ASIC4: variants seen among roughly 807,000 people sequenced by gnomAD.
ASIC4 encodes acid sensing ion channel subunit family member 4, also known as acid-sensing ion channel 4.
In ASIC4, 28 loss-of-function variants were observed where a neutral mutation model predicts 53.4. The observed-to-expected ratio is 0.52, with a 90% CI of 0.39 to 0.72. The LOEUF (loss-of-function observed/expected upper bound fraction) is 0.72, where lower values mean the gene tolerates loss of function less well. Ranked by LOEUF, ASIC4 falls within the 30% of genes least tolerant of loss-of-function variation. The pLI is 0.00. For synonymous variants in ASIC4, 289 were observed against 301.4 expected, an observed-to-expected ratio of 0.96 and a Z score of 0.43; for missense variants, 649 against 729.7, an observed-to-expected ratio of 0.89 and a Z score of 1.27.
At chr2:219,528,917 G>C (rs1354990653) in intron 1 of ASIC4, among the ~76,000 whole-genome samples, 2 of 152,194 alleles carry the variant, frequency 1.3e-5, no homozygotes, top group African/African-American at 4.8e-5. Flanking sequence ...CACAGGTCTA[G>C]AGTCGGGCTG....
chr2:219,511,930 G>T (rs1694706821), upstream of ASIC4, among the ~76,000 whole-genome samples: 1 of 151,952 alleles, frequency 6.6e-6, no homozygotes, highest in Non-Finnish European at 1.5e-5. This position sits in a 1 kb window ranked among gnomAD's most constrained non-coding sequence, Gnocchi z 5.3. Context: ...GGGGCCAGAG[G>T]CAAAGGGGGT....
intron 1 of ASIC4, among the ~76,000 whole-genome samples, chr2:219,524,152 T>C (rs1326591160): frequency 1.3e-5 from 2 of 152,240 alleles, no homozygotes; most frequent in Non-Finnish European, 1.5e-5. Context: ...TGAATGTCTC[T>C]GCAGCCAGAC....
rs923696883 is a variant in ASIC4 at position 219,517,580 on chromosome 2, G to C, written c.582+2274G>C. 6.6e-6 allele frequency among the ~76,000 whole-genome samples: 1 copy of C among 152,188 alleles called. No individual in the cohort carries two copies. The highest frequency in any genetic ancestry group is 1.5e-5 in the Non-Finnish European group (1 of 68,032). ...GCTGAGTCTGCTGCAGATTCACCAG[G>C]GTCTGGAATTACAGATTGGGCTGGG... is the stretch of plus-strand genomic sequence containing the variant. On this transcript the variant is annotated intron_variant, in intron 1 of 9. Transcript: ENST00000358078. The surrounding 1 kb of genome is among the most constrained non-coding windows in gnomAD (Gnocchi z 4.2).
In ASIC4 at chr2:219,535,172, C is replaced by T. The variant is rs1268468904; in HGVS notation, c.1077C>T (p.Asp359=). Residue 359 remains aspartate (D), a splice_region_variant and synonymous_variant, in exon 6 of 10, where the codon GAC becomes GAT. Coordinates refer to ENST00000358078, the MANE Select transcript of ASIC4 (RefSeq NM_018674.6). ...IYIECADHTL[D]SLGGGPEGPC... ...GTAGCTGCTACCTCTGTGTTGCAGA[C>T]TCCCTGGGTGGGGGCCCTGAGGGCC... The T allele has an allele frequency of 2.5e-6, 4 of 1,612,196 alleles. No homozygotes were observed. Among genetic ancestry groups the T allele is most frequent in the East Asian group, 2.2e-5 (1 of 44,858 alleles).
Position 219,515,135 on chromosome 2 carries a change from C to G in ASIC4, c.411C>G (p.Ala137=), listed in dbSNP as rs1694764492. The change falls in exon 1 of 10, where the codon GCC becomes GCG. Residue 137 remains alanine (A), a synonymous_variant. Transcript: ENST00000358078. The part of the protein sequence containing the change: ...ALSDADIFHL[A]NLTGLPPKDR... ...GCGATGCCGACATCTTCCACCTGGC[C>G]AATCTGACAGGGCTGCCCCCCAAAG... 6.2e-7 allele frequency: 1 copy of G among 1,614,178 alleles called. No individual in the cohort carries two copies. Among genetic ancestry groups the G allele is most frequent in the East Asian group, 2.2e-5 (1 of 44,876 alleles).
intron 1 of ASIC4, among the ~76,000 whole-genome samples, chr2:219,523,326 C>T (rs936750028): frequency 6.6e-6 from 1 of 152,150 alleles, no homozygotes; most frequent in Non-Finnish European, 1.5e-5. Flanking sequence ...TCCCGTTCTC[C>T]TCTCCCGTGG....
In ASIC4 at chr2:219,536,055, G is replaced by A. The variant is rs980662483; in HGVS notation, c.1229+731G>A. ...CCCAAAGTGCTGGGATTACAGGTGT[G>A]AGCCACCTTGCCTGGCCACAGCCCT... is the stretch of plus-strand genomic sequence containing the variant. On this transcript the variant is annotated intron_variant, in intron 6 of 9. Coordinates refer to ENST00000358078, the MANE Select transcript of ASIC4 (RefSeq NM_018674.6). The surrounding 1 kb of genome is among the most constrained non-coding windows in gnomAD (Gnocchi z 4.6). 1.3e-5 allele frequency among the ~76,000 whole-genome samples: 2 copies of A among 152,150 alleles called. No homozygotes were observed. The highest frequency in any genetic ancestry group is 2.9e-5 in the Non-Finnish European group (2 of 68,026).
At chr2:219,534,917 C>A (rs1414683075) in intron 5 of ASIC4, among the ~76,000 whole-genome samples, 1 of 92,822 alleles carries the variant, frequency 1.1e-5, no homozygotes, top group South Asian at 2.6e-4. Context: ...GCCACGAGGA[C>A]CCCCCCCCAG....
intron 1 of ASIC4, among the ~76,000 whole-genome samples, chr2:219,522,989 C>T (rs892500285): frequency 6.6e-6 from 1 of 151,912 alleles, no homozygotes; most frequent in Non-Finnish European, 1.5e-5. Context: ...CCTCTGGGTG[C>T]GGGTGGGCCA....
upstream of ASIC4, among the ~76,000 whole-genome samples, chr2:219,509,703 A>G (rs985139572): frequency 6.6e-6 from 1 of 151,786 alleles, no homozygotes; most frequent in Admixed American, 6.6e-5. This position sits in a 1 kb window ranked among gnomAD's most constrained non-coding sequence, Gnocchi z 5.2. Flanking sequence ...TCAAGGGGTG[A>G]TCTCTGGGAA....
rs565075897 is a variant in ASIC4, at chr2:219,518,287, C to T, written c.582+2981C>T. ...AGTTAATCAGCCATGCAAGTGGTGT[C>T]ATAAGGTGCCAGGATCAATTGCCAG... On this transcript the variant is annotated intron_variant, in intron 1 of 9. Coordinates refer to ENST00000358078, the MANE Select transcript of ASIC4 (RefSeq NM_018674.6). This position sits in a 1 kb window ranked among gnomAD's most constrained non-coding sequence, Gnocchi z 4.8. Among the ~76,000 whole-genome samples the T allele has an allele frequency of 6.6e-5, 10 of 152,280 alleles. No individual in the cohort carries two copies. Among genetic ancestry groups the T allele is most frequent in the South Asian group, 6.2e-4 (3 of 4,824 alleles).
Position 219,537,157 on chromosome 2 carries a change from G to A in ASIC4, c.1321G>A (p.Gly441Arg). 6.2e-7 allele frequency: 1 copy of A among 1,613,826 alleles called. No individual in the cohort carries two copies. Among genetic ancestry groups the A allele is most frequent in the Non-Finnish European group, 8.5e-7 (1 of 1,179,760 alleles). ...AGCCTATGGCCTGTCAGCCCTGCTG[G>A]GTGAGACTGGTGTCCCTGCCCCCAG... ...RAAYGLSALL[G>R]DLGGQMGLFI... Residue 441 changes from glycine (G) to arginine (R), a missense_variant and splice_region_variant, in exon 7 of 10, where the codon GGA becomes AGA. Coordinates refer to ENST00000358078, the MANE Select transcript of ASIC4 (RefSeq NM_018674.6). This position sits in a 1 kb window ranked among gnomAD's most constrained non-coding sequence, Gnocchi z 4.9.
upstream of ASIC4, among the ~76,000 whole-genome samples, chr2:219,510,529 T>TAAC (rs1694687458): frequency 6.6e-6 from 1 of 152,070 alleles, no homozygotes. This position sits in a 1 kb window ranked among gnomAD's most constrained non-coding sequence, Gnocchi z 5.2. Flanking sequence ...CAGACTTTGT[T>TAAC]AGTTTCTGGC....
Position 219,538,048 on chromosome 2 carries a change from A to G in ASIC4, c.*2A>G, listed in dbSNP as rs1275292751. 17 of 1,610,548 alleles carry G rather than the reference A, an allele frequency of 1.1e-5. No homozygotes were observed. The highest frequency in any genetic ancestry group is 1.4e-5 in the Non-Finnish European group (16 of 1,178,230). On this transcript the variant is annotated 3_prime_UTR_variant, in exon 10 of 10. Coordinates refer to ENST00000358078, the MANE Select transcript of ASIC4 (RefSeq NM_018674.6). ...CTCTTTGAAGATTTTGCTTGCTAGG[A>G]CGGTGCTGTGACTGAAAGGACCCAG...
intron 1 of ASIC4, among the ~76,000 whole-genome samples, chr2:219,521,619 A>G (rs1324497865): frequency 1.3e-5 from 2 of 152,162 alleles, no homozygotes; most frequent in Non-Finnish European, 2.9e-5. Context: ...AGTGGGTCCC[A>G]TGGGCAGGCA....
chr2:219,509,860 G>A (rs1353383906), upstream of ASIC4, among the ~76,000 whole-genome samples: 1 of 152,104 alleles, frequency 6.6e-6, no homozygotes, highest in Non-Finnish European at 1.5e-5. This position sits in a 1 kb window ranked among gnomAD's most constrained non-coding sequence, Gnocchi z 5.2. Context: ...CACCTCAAGG[G>A]GGTGCTGTGT....
intron 1 of ASIC4, among the ~76,000 whole-genome samples, chr2:219,520,688 G>T (rs1199005181): frequency 3.9e-5 from 6 of 152,250 alleles, no homozygotes; most frequent in Non-Finnish European, 7.3e-5. Flanking sequence ...TGCCTGTCCA[G>T]CCCTCTGTTC....
In ASIC4 at chr2:219,536,742, C is replaced by G. The variant is rs746859447; in HGVS notation, c.1230-324C>G. On this transcript the variant is annotated intron_variant, in intron 6 of 9. Coordinates refer to ENST00000358078, the MANE Select transcript of ASIC4 (RefSeq NM_018674.6). This position sits in a 1 kb window ranked among gnomAD's most constrained non-coding sequence, Gnocchi z 4.6. ...GAAGGGGCATTGTGGAGTGGACTGACGGGCAACAGGGGTCACTGAAGGGTC... is the reference window on the plus strand; with the variant it reads ...GAAGGGGCATTGTGGAGTGGACTGAGGGGCAACAGGGGTCACTGAAGGGTC... 6.6e-6 allele frequency among the ~76,000 whole-genome samples: 1 copy of G among 151,562 alleles called. No individual in the cohort carries two copies. The highest frequency in any genetic ancestry group is 6.6e-5 in the Admixed American group (1 of 15,202).
At chr2:219,529,430 A>G (rs1695005304) in intron 1 of ASIC4, among the ~76,000 whole-genome samples, 2 of 152,064 alleles carry the variant, frequency 1.3e-5, no homozygotes, top group South Asian at 4.2e-4. Context: ...CGATATGGAG[A>G]AGAAAGGGTG....
Sources: gnomAD v4.1 joint callset for allele counts (sites outside exome capture counted in the v4.1 genomes callset) on GRCh38, gnomAD v4.1.1 for gene constraint, Gnocchi (gnomAD v3.1) non-coding constraint, MANE v1.5 for transcripts, NCBI Gene and HGNC (gene_info 2026-07-23, HGNC 2026-07-21) for gene names.